GRB10: variants seen among roughly 807,000 people sequenced by gnomAD.
GRB10 encodes the protein growth factor receptor bound protein 10.
A neutral mutation model predicts 80.9 loss-of-function variants in GRB10; 20 were observed. That is an observed-to-expected ratio of 0.25 (90% CI 0.17 to 0.36). GRB10 has a LOEUF of 0.36. GRB10 is among the 10% of genes least tolerant of loss of function. GRB10 has a pLI of 1.00. For missense variants in GRB10, 548 were observed against 747.7 expected (o/e 0.73, Z 3.12); for synonymous variants, 291 against 291.5 (o/e 1.00, Z 0.02).
At position 50,592,728 on chromosome 7, in the gene GRB10, C is replaced by T. The variant is rs2045963801; in HGVS notation, c.*224G>A. Reference sequence around the variant, plus strand: ...TTCCGCTGGATCTTCCATGCCCTCCCCAATTTGGCCGATGCAGAGGGAGGC... The same window carrying T: ...TTCCGCTGGATCTTCCATGCCCTCCTCAATTTGGCCGATGCAGAGGGAGGC... On this transcript the variant is annotated 3_prime_UTR_variant, in exon 19 of 19. Coordinates refer to ENST00000401949, the MANE Select transcript of GRB10 (RefSeq NM_001350814.2). 6.9e-6 allele frequency: 4 copies of T among 580,112 alleles called. No homozygotes were observed. In the East Asian group the frequency reaches 1.2e-4, roughly 17 times the overall value. 35.9% of individuals were successfully genotyped at this position (580,112 alleles called of 1,614,324 possible).
At chr7:50,723,510 G>C (rs187887874) in intron 4 of GRB10, among the ~76,000 whole-genome samples, 4 of 152,324 alleles carry the variant, frequency 2.6e-5, no homozygotes, top group Admixed American at 2.6e-4. Context: ...CCCTCAGCCA[G>C]TACCCCAGAG....
intron 7 of GRB10, among the ~76,000 whole-genome samples, chr7:50,662,053 CAGG>C (rs1274511843): frequency 6.6e-6 from 1 of 152,194 alleles, no homozygotes; most frequent in Non-Finnish European, 1.5e-5. Context: ...CCACGCTTGC[CAGG>C]AGAAGGACTC....
chr7:50,704,993 ACAAGGTGCC>A (rs1454389703), intron 4 of GRB10: 2 of 265,568 alleles, frequency 7.5e-6, no homozygotes, highest in African/African-American at 4.6e-5. Context: ...ATTGATTTCA[ACAAGGTGCC>A]CAAGCAGCAG....
intron 2 of GRB10, among the ~76,000 whole-genome samples, chr7:50,777,374 A>G (rs1246698379): frequency 6.6e-6 from 1 of 150,896 alleles, no homozygotes; most frequent in Admixed American, 6.6e-5. Flanking sequence ...CACGTTGGCC[A>G]TTAGGTTTCA....
chr7:50,714,999 C>T (rs1362313487), intron 4 of GRB10, among the ~76,000 whole-genome samples: 10 of 151,998 alleles, frequency 6.6e-5, no homozygotes, highest in Admixed American at 6.5e-4. Flanking sequence ...TTGGAAATAA[C>T]TCTCATTGTC....
At chr7:50,789,773 T>C (rs2078838692) in intron 1 of GRB10, among the ~76,000 whole-genome samples, 1 of 152,154 alleles carries the variant, frequency 6.6e-6, no homozygotes, top group Non-Finnish European at 1.5e-5. Context: ...AAAATCTCCT[T>C]AGAGTCACTA....
At chr7:50,778,533 A>G (rs1489195170) in intron 2 of GRB10, among the ~76,000 whole-genome samples, 1 of 152,244 alleles carries the variant, frequency 6.6e-6, no homozygotes, top group Non-Finnish European at 1.5e-5. Context: ...GAGGTGATCC[A>G]CACAGTGGAG....
At chr7:50,754,787 C>T (rs557134830) in intron 3 of GRB10, among the ~76,000 whole-genome samples, 36 of 152,152 alleles carry the variant, frequency 2.4e-4, no homozygotes, top group Non-Finnish European at 4.9e-4. Flanking sequence ...GAACTGCGTT[C>T]CCAAACATTC....
rs2050252628 is a variant in GRB10, at chr7:50,614,826, G to A, written c.1039C>T (p.Leu347=). ...TTGTACTGCTTCCTGCCAGCGATCA[G>A]GGAGAAGATGTTGCTGTCCTCCAGG... ...ADLEDSNIFS[L]IAGRKQYNAP... The change falls in exon 12 of 19, where the codon CTG becomes TTG. Residue 347 remains leucine (L), a synonymous_variant. Coordinates refer to ENST00000401949, the MANE Select transcript of GRB10 (RefSeq NM_001350814.2). 1 of 1,613,928 alleles carries A rather than the reference G, an allele frequency of 6.2e-7. No individual in the cohort carries two copies. The highest frequency in any genetic ancestry group is 8.5e-7 in the Non-Finnish European group (1 of 1,179,994).
At chr7:50,678,697 C>T (rs553912474) in intron 5 of GRB10, among the ~76,000 whole-genome samples, 4 of 152,118 alleles carry the variant, frequency 2.6e-5, no homozygotes, top group African/African-American at 9.6e-5. Context: ...CATTAAGATA[C>T]GACTGAAATC....
At chr7:50,596,940 G>A (rs148868637) in intron 17 of GRB10, among the ~76,000 whole-genome samples, 3 of 152,092 alleles carry the variant, frequency 2.0e-5, no homozygotes, top group Non-Finnish European at 2.9e-5. Flanking sequence ...ATCAGAAAGC[G>A]AAGAAAGATC....
intron 7 of GRB10, among the ~76,000 whole-genome samples, chr7:50,633,660 A>C (rs2054415967): frequency 6.6e-6 from 1 of 152,064 alleles, no homozygotes; most frequent in South Asian, 2.1e-4. Context: ...AAAAACCAGA[A>C]GAGTAATTCT....
chr7:50,626,610 C>T (rs569729330), intron 8 of GRB10, among the ~76,000 whole-genome samples: 1 of 152,302 alleles, frequency 6.6e-6, no homozygotes, highest in East Asian at 1.9e-4. Context: ...CTCAACCATC[C>T]AAGGCAAGAT....
chr7:50,620,178 T>G (rs1443962738), intron 8 of GRB10, among the ~76,000 whole-genome samples: 2 of 152,188 alleles, frequency 1.3e-5, no homozygotes, highest in African/African-American at 4.8e-5. Context: ...CATGGGAAAC[T>G]AACCTTATTA....
At chr7:50,714,670 A>C (rs1179976353) in intron 4 of GRB10, among the ~76,000 whole-genome samples, 1 of 151,540 alleles carries the variant, frequency 6.6e-6, no homozygotes, top group Non-Finnish European at 1.5e-5. Context: ...CTCAAAAAAA[A>C]AAACAAAAAA....
chr7:50,714,654 C>A (rs544060148), intron 4 of GRB10, among the ~76,000 whole-genome samples: 11 of 118,164 alleles, frequency 9.3e-5, no homozygotes, highest in African/African-American at 4.0e-4. Context: ...CATAGCGAGA[C>A]TCTGTCTCAA....
In GRB10 at chr7:50,745,767, T is replaced by C. The variant is rs1395050913; in HGVS notation, c.-47+10120A>G. Among the ~76,000 whole-genome samples the C allele has an allele frequency of 5.9e-5, 9 of 152,312 alleles. No individual in the cohort carries two copies. The East Asian group carries it at 1.7e-3, about 29-fold the overall frequency. On this transcript the variant is annotated intron_variant, in intron 3 of 18. Coordinates refer to ENST00000401949, the MANE Select transcript of GRB10 (RefSeq NM_001350814.2). ...TTAGATGGTAAACCATTTGTCCCTA[T>C]AATAAAACCCAAATAACTCACAGAA...
intron 8 of GRB10, among the ~76,000 whole-genome samples, chr7:50,626,391 C>A (rs774175998): frequency 1.3e-5 from 2 of 152,246 alleles, no homozygotes; most frequent in Non-Finnish European, 1.5e-5. Flanking sequence ...ATAACCATGG[C>A]TCCCTTCTTC....
chr7:50,722,874 C>A (rs560442738), intron 4 of GRB10, among the ~76,000 whole-genome samples: 1 of 152,150 alleles, frequency 6.6e-6, no homozygotes, highest in South Asian at 2.1e-4. Context: ...GTAAAGATAG[C>A]GCTCTCAGGA....
Sources: gnomAD v4.1 joint callset for allele counts (sites outside exome capture counted in the v4.1 genomes callset) on GRCh38, gnomAD v4.1.1 for gene constraint, MANE v1.5 for transcripts, NCBI Gene and HGNC (gene_info 2026-07-23, HGNC 2026-07-21) for gene names.